EFCAB9: variants seen among roughly 807,000 people sequenced by gnomAD.
The protein encoded by EFCAB9 is EF-hand calcium binding domain 9, also known as EF-hand calcium-binding domain-containing protein 9.
EFCAB9 carries 16 observed loss-of-function variants against 15.6 expected under a neutral mutation model. The observed-to-expected ratio is 1.03, with a 90% CI of 0.69 to 1.56. The LOEUF (loss-of-function observed/expected upper bound fraction) is 1.56, where lower values mean the gene tolerates loss of function less well. Among genes scored for constraint, EFCAB9 ranks in the 40% most tolerant of loss-of-function variants. The pLI, the probability that EFCAB9 is intolerant of heterozygous loss-of-function variation, is 0.00. For synonymous variants in EFCAB9, 76 were observed against 85.4 expected (o/e 0.89, Z 0.61); for missense variants, 208 against 235.4 (o/e 0.88, Z 0.76).
At chr5:172,195,737 G>A (rs1383425948) in intron 1 of EFCAB9, among the ~76,000 whole-genome samples, 1 of 152,214 alleles carries the variant, frequency 6.6e-6, no homozygotes, top group Non-Finnish European at 1.5e-5. Context: ...CCTTCCTGTG[G>A]GGGAATGACT....
chr5:172,199,321 G>A lies in EFCAB9; in HGVS notation c.137-62G>A. Reference sequence around the variant, plus strand: ...ATCACTACCATTTACATGGCTTCTAGCTGTTTAGCATTTTGGAACTATATC... The same window carrying A: ...ATCACTACCATTTACATGGCTTCTAACTGTTTAGCATTTTGGAACTATATC... On this transcript the variant is annotated intron_variant, in intron 1 of 3. Transcript: ENST00000398186. The A allele has an allele frequency of 2.7e-6, 4 of 1,506,018 alleles. No individual in the cohort carries two copies. In the Admixed American group the frequency reaches 8.1e-5, roughly 30 times the overall value. 93.3% of individuals were successfully genotyped at this position (1,506,018 alleles called of 1,614,324 possible).
In EFCAB9 at chr5:172,194,338, G is replaced by T. The variant is rs1379777196; in HGVS notation, c.136+30G>T. 3 of 1,533,860 alleles carry T rather than the reference G, an allele frequency of 2.0e-6. No homozygotes were observed. The East Asian group carries it at 7.3e-5, about 38-fold the overall frequency. On this transcript the variant is annotated intron_variant, in intron 1 of 3. Transcript: ENST00000398186. The stretch of plus-strand genomic sequence containing the variant: ...GTACTTTCAGACATGTCTCCTCTGG[G>T]TCCTTACCTGGGTTTTAGCTAATGT...
At chr5:172,196,640 T>C (rs1444584767) in intron 1 of EFCAB9, among the ~76,000 whole-genome samples, 1 of 152,122 alleles carries the variant, frequency 6.6e-6, no homozygotes, top group Non-Finnish European at 1.5e-5. Flanking sequence ...CCTCCCAAAG[T>C]GTTGGGATTA....
chr5:172,194,974 T>C (rs1771134996), intron 1 of EFCAB9, among the ~76,000 whole-genome samples: 1 of 152,036 alleles, frequency 6.6e-6, no homozygotes, highest in Non-Finnish European at 1.5e-5. Flanking sequence ...GCACAGTGTC[T>C]GACACATCGT....
intron 3 of EFCAB9, among the ~76,000 whole-genome samples, chr5:172,202,401 A>C (rs773073397): frequency 1.3e-5 from 2 of 151,300 alleles, no homozygotes; most frequent in Non-Finnish European, 2.9e-5. Context: ...TTTTCTACCA[A>C]CCTAATGGAA....
chr5:172,200,870 T>C lies in EFCAB9; in HGVS notation c.462+128T>C, dbSNP rs181021251. The stretch of plus-strand genomic sequence containing the variant: ...GGAAAAACCTACTCAAATAAGCACA[T>C]TGCATGGCACAAGGATCAGAAAAAA... On this transcript the variant is annotated intron_variant, in intron 3 of 3. Transcript: ENST00000398186. 2.2e-4 allele frequency: 194 copies of C among 897,472 alleles called. 1 individual carries two copies. In the African/African-American group the frequency reaches 2.7e-3, roughly 12 times the overall value. The allele number at this position is 897,472 out of a possible 1,614,324, so 55.6% of individuals were successfully genotyped here. A position where few individuals can be genotyped will look rare whatever the true frequency, so the allele number is the denominator to read the frequency against.
chr5:172,199,890 T>G (rs1202123461), intron 2 of EFCAB9, among the ~76,000 whole-genome samples: 1 of 151,776 alleles, frequency 6.6e-6, no homozygotes, highest in Non-Finnish European at 1.5e-5. Context: ...TGAGGTCTTT[T>G]CTTACCGTAT....
chr5:172,200,354 A>G (rs937572761), intron 2 of EFCAB9, among the ~76,000 whole-genome samples: 1 of 152,228 alleles, frequency 6.6e-6, no homozygotes, highest in Non-Finnish European at 1.5e-5. Context: ...GATTATTACA[A>G]GAGGCAGAAT....
intron 1 of EFCAB9, among the ~76,000 whole-genome samples, chr5:172,196,310 A>G (rs1771161089): frequency 6.6e-6 from 1 of 152,116 alleles, no homozygotes; most frequent in Non-Finnish European, 1.5e-5. Context: ...TGTGACTACT[A>G]ATTTGCTGTG....
In EFCAB9 at chr5:172,200,550, A is replaced by G; in HGVS notation, c.286-16A>G. ...GACAACACTGTTGCTCATCTCACCT[A>G]TTTCTCTCGCAATAGAACCATTTGG... On this transcript the variant is annotated splice_polypyrimidine_tract_variant and intron_variant, in intron 2 of 3. Transcript: ENST00000398186. 1 of 1,530,626 alleles carries G rather than the reference A, an allele frequency of 6.5e-7. No homozygotes were observed. Among genetic ancestry groups the G allele is most frequent in the Non-Finnish European group, 8.7e-7 (1 of 1,143,750 alleles). The allele number at this position is 1,530,626 out of a possible 1,614,324, so 94.8% of individuals were successfully genotyped here. A position where few individuals can be genotyped will look rare whatever the true frequency, so the allele number is the denominator to read the frequency against.
At position 172,200,745 on chromosome 5, in the gene EFCAB9, A is replaced by C. The variant is rs779590326; in HGVS notation, c.462+3A>C. On this transcript the variant is annotated splice_donor_region_variant and intron_variant, in intron 3 of 3. Coordinates refer to ENST00000398186, the MANE Select transcript of EFCAB9 (RefSeq NM_001171183.2). ...ACTTTGACATTACAGGTGACAATGT[A>C]AGTACAGATCCAAAATGTGGCATGT... The C allele has an allele frequency of 2.0e-6, 3 of 1,534,922 alleles. No homozygotes were observed. The highest frequency in any genetic ancestry group is 2.7e-5 in the African/African-American group (2 of 72,960).
At chr5:172,196,159 G>A (rs568427356) in intron 1 of EFCAB9, among the ~76,000 whole-genome samples, 2 of 152,148 alleles carry the variant, frequency 1.3e-5, no homozygotes, top group Admixed American at 1.3e-4. Flanking sequence ...TTACTAAGTT[G>A]CACATGGAAA....
At chr5:172,195,191 T>TAAATAAATAA (rs1561841939) in intron 1 of EFCAB9, among the ~76,000 whole-genome samples, 334 of 148,968 alleles carry the variant, frequency 2.2e-3, no homozygotes, top group African/African-American at 7.3e-3. Context: ...TAAAAATAAA[T>TAAATAAATAA]AAATAAATAA....
At chr5:172,201,800 G>A (rs1771260611) in intron 3 of EFCAB9, among the ~76,000 whole-genome samples, 1 of 152,116 alleles carries the variant, frequency 6.6e-6, no homozygotes, top group Non-Finnish European at 1.5e-5. Context: ...CTTGAGCCCA[G>A]GAGTTCCAGG....
At chr5:172,201,454 G>T (rs899371928) in intron 3 of EFCAB9, among the ~76,000 whole-genome samples, 17 of 152,166 alleles carry the variant, frequency 1.1e-4, no homozygotes, top group African/African-American at 4.1e-4. Flanking sequence ...GGCTGAGGCA[G>T]AAGAATCACT....
In EFCAB9 at chr5:172,200,833, A is replaced by AG; in HGVS notation, c.462+93dup. The AG allele has an allele frequency of 3.1e-6, 4 of 1,277,072 alleles. No individual in the cohort carries two copies. In the South Asian group the frequency reaches 4.7e-5, roughly 15 times the overall value. 79.1% of individuals were successfully genotyped at this position (1,277,072 alleles called of 1,614,324 possible). On this transcript the variant is annotated intron_variant, in intron 3 of 3. Coordinates refer to ENST00000398186, the MANE Select transcript of EFCAB9 (RefSeq NM_001171183.2). ...CTACTACATATAGGAGAGATGGGAG[A>AG]GGAGGAGGGAGGGAAAAACCTACTC...
intron 3 of EFCAB9, among the ~76,000 whole-genome samples, chr5:172,202,480 G>T (rs1771272906): frequency 1.3e-5 from 2 of 152,130 alleles, no homozygotes; most frequent in Admixed American, 6.5e-5. Context: ...GGCTGGGGTG[G>T]GTGGATAACT....
chr5:172,196,206 CAT>C (rs898815733), intron 1 of EFCAB9, among the ~76,000 whole-genome samples: 4 of 152,080 alleles, frequency 2.6e-5, no homozygotes, highest in African/African-American at 9.7e-5. Context: ...CATCACTGTG[CAT>C]ATATATGGTG....
chr5:172,197,036 T>TGGAAAAAAACACCACG (rs1200467994), intron 1 of EFCAB9, among the ~76,000 whole-genome samples: 1 of 151,668 alleles, frequency 6.6e-6, no homozygotes, highest in East Asian at 1.9e-4. Flanking sequence ...AGTTTCACCA[T>TGGAAAAAAACACCACG]GGAAAAAAAC....
Sources: gnomAD v4.1 joint callset for allele counts (sites outside exome capture counted in the v4.1 genomes callset) on GRCh38, gnomAD v4.1.1 for gene constraint, MANE v1.5 for transcripts, NCBI Gene and HGNC (gene_info 2026-07-23, HGNC 2026-07-21) for gene names.